The following TTN variants were observed in gnomAD, a reference collection of about 807,000 sequenced individuals.
TTN encodes connectin.
In TTN, 1,525 loss-of-function variants were observed where a neutral mutation model predicts 3,223.0. The ratio of observed to expected loss-of-function variants is 0.47; its 90% CI spans 0.45 to 0.49. The LOEUF is 0.49. Ranked by LOEUF, TTN falls within the 20% of genes least tolerant of loss-of-function variation. The pLI is 0.00. For missense variants in TTN, 40,786 were observed against 43,424.0 expected (o/e 0.94, Z 5.40); for synonymous variants, 14,094 against 15,161.0 (o/e 0.93, Z 5.17).
In TTN at chr2:178,764,368, T is replaced by C. The variant is rs1319238837; in HGVS notation, c.9989-66A>G. 13 of 1,612,672 alleles carry C rather than the reference T, an allele frequency of 8.1e-6. No individual in the cohort carries two copies. The African/African-American group carries it at 9.3e-5, about 12-fold the overall frequency. On this transcript the variant is annotated intron_variant, in intron 42 of 362. Transcript: ENST00000589042. ...CATAGAGACCTCACAGAAGGGAGCA[T>C]GTAGGTTTATCTTAATTTATTTCAC...
In TTN at chr2:178,579,247, T is replaced by C. The variant is rs1438797997; in HGVS notation, c.67783A>G (p.Thr22595Ala). The C allele has an allele frequency of 4.3e-6, 7 of 1,613,328 alleles. No individual in the cohort carries two copies. Among genetic ancestry groups the C allele is most frequent in the Non-Finnish European group, 5.1e-6 (6 of 1,179,552 alleles). The stretch of plus-strand genomic sequence containing the variant: ...GCAGATGACTCAACACTGACTCTAG[T>C]GTCAGTTGCTAGAGGATCTTCCCCT... ...KKGEDPLATD[T>A]RVSVESSAVN... The change falls in exon 320 of 363, where the codon ACT (threonine) becomes GCT (alanine). Residue 22595 changes from threonine to alanine, a missense_variant. By Grantham distance (58) the Thr-to-Ala change is moderately conservative (BLOSUM62 0). Coordinates refer to ENST00000589042, the MANE Select transcript of TTN (RefSeq NM_001267550.2).
At chr2:178,762,330 CAT>C (rs2089425494) in intron 43 of TTN, among the ~76,000 whole-genome samples, 3 of 152,182 alleles carry the variant, frequency 2.0e-5, no homozygotes, top group Admixed American at 2.0e-4. Context: ...TATTACCACA[CAT>C]AGGAAGTTAA....
rs1381964722 is a variant in TTN at position 178,571,488 on chromosome 2, T to C, written c.74644A>G (p.Arg24882Gly). ...RLKTGCEYQFRIAAENRYGKS... is the reference protein window; with the variant it reads ...RLKTGCEYQFGIAAENRYGKS... ...CCATATCTGTTTTCAGCTGCAATTCTAAACTGATATTCACATCCAGTCTTC... is the reference window on the plus strand; with the variant it reads ...CCATATCTGTTTTCAGCTGCAATTCCAAACTGATATTCACATCCAGTCTTC... The change falls in exon 326 of 363, where the codon AGA becomes GGA. Residue 24882 changes from arginine to glycine, a missense_variant. Arg to Gly is a moderately radical substitution (Grantham distance 125, BLOSUM62 -2). Coordinates refer to ENST00000589042, the MANE Select transcript of TTN (RefSeq NM_001267550.2). 5 of 1,613,386 alleles carry C rather than the reference T, an allele frequency of 3.1e-6. No homozygotes were observed. Among genetic ancestry groups the C allele is most frequent in the Non-Finnish European group, 4.2e-6 (5 of 1,179,584 alleles).
At chr2:178,745,633 T>C (rs2083354948) in intron 47 of TTN, 1 of 1,612,728 alleles carries the variant, frequency 6.2e-7, no homozygotes, top group African/African-American at 1.3e-5. Context: ...CTGATTTGTT[T>C]GTAGCTACAC....
In TTN at chr2:178,569,109, C is replaced by T; in HGVS notation, c.77023G>A (p.Val25675Ile). 6.2e-7 allele frequency: 1 copy of T among 1,613,498 alleles called. No homozygotes were observed. Among genetic ancestry groups the T allele is most frequent in the Non-Finnish European group, 8.5e-7 (1 of 1,179,590 alleles). Residue 25675 changes from valine to isoleucine, a missense_variant, in exon 326 of 363, where the codon GTC becomes ATC. Coordinates refer to ENST00000589042, the MANE Select transcript of TTN (RefSeq NM_001267550.2). ...LQEGCSYYFR[V>I]TAENEYGIGL... ...ATACCATACTCATTCTCAGCTGTGA[C>T]TCTAAAGTAATAACTGCAACCTTCT... is the stretch of plus-strand genomic sequence containing the variant.
In TTN at chr2:178,528,898, A is replaced by C; in HGVS notation, c.106853T>G (p.Ile35618Arg). 6.2e-7 allele frequency: 1 copy of C among 1,614,050 alleles called. No homozygotes were observed. The highest frequency in any genetic ancestry group is 8.5e-7 in the Non-Finnish European group (1 of 1,179,882). ...EIKAFSTQMS[I>R]NEGQRLVLKA... ...TAAAACCAGTCTTTGACCTTCGTTT[A>C]TGCTCATCTGAGTAGAAAATGCTTT... Residue 35618 changes from isoleucine to arginine, a missense_variant, in exon 360 of 363, where the codon ATA becomes AGA. Transcript: ENST00000589042.
chr2:178,671,810 C>T (rs898428081), intron 155 of TTN, among the ~76,000 whole-genome samples, 161 bp downstream of exon 155: 11 of 151,610 alleles, frequency 7.3e-5, no homozygotes, highest in African/African-American at 2.2e-4. Context: ...AATTATACTC[C>T]GTGTGGTTAA....
At position 178,795,202 on chromosome 2, in the gene TTN, C is replaced by T. The variant is rs144557211; in HGVS notation, c.965G>A (p.Arg322Lys). The T allele has an allele frequency of 6.2e-7, 1 of 1,614,136 alleles. No individual in the cohort carries two copies. The highest frequency in any genetic ancestry group is 8.5e-7 in the Non-Finnish European group (1 of 1,180,014). The change falls in exon 7 of 363, where the codon AGG (arginine) becomes AAG (lysine). Residue 322 changes from arginine (R) to lysine (K), a missense_variant. Physicochemically the swap from Arg to Lys is conservative, Grantham distance 26 (BLOSUM62 2). Transcript: ENST00000589042. Reference protein sequence around the residue: ...RISTSPIRSVRSPLLMRKTQA... With the variant: ...RISTSPIRSVKSPLLMRKTQA... Reference sequence around the variant, plus strand: ...AGTCTTACGCATGAGCAATGGAGACCTAACAGACCTGATGGGGGATGTGGA... The same window carrying T: ...AGTCTTACGCATGAGCAATGGAGACTTAACAGACCTGATGGGGGATGTGGA...
At chr2:178,637,285 T>G in intron 224 of TTN, 84 bp downstream of exon 224, 1 of 928,444 alleles carries the variant, frequency 1.1e-6, no homozygotes, top group Non-Finnish European at 1.5e-6. Context: ...GTTATGAATT[T>G]TGAAATTTTT....
Position 178,739,969 on chromosome 2 carries a change from T to C in TTN, c.13264A>G (p.Ile4422Val), listed in dbSNP as rs1202311923. Residue 4422 changes from isoleucine to valine, a missense_variant, in exon 48 of 363, where the codon ATT becomes GTT. Transcript: ENST00000589042. The part of the protein sequence containing the change: ...PGLFSEWLRN[I>V]EKVEVEAVNI... ...ACAGCCTCGACCTCCACCTTTTCAA[T>C]ATTTCTTAGCCACTCAGAGAAAAGA... The C allele has an allele frequency of 1.9e-6, 3 of 1,613,762 alleles. No homozygotes were observed. Among genetic ancestry groups the C allele is most frequent in the East Asian group, 2.2e-5 (1 of 44,874 alleles).
At chr2:178,582,853 T>C in intron 313 of TTN, 87 bp downstream of exon 313, 2 of 1,160,776 alleles carry the variant, frequency 1.7e-6, no homozygotes, top group Non-Finnish European at 2.3e-6. Flanking sequence ...AGAATATGAA[T>C]GTCTTCTCCC....
At chr2:178,749,652 G>A in intron 47 of TTN, 2 of 1,612,656 alleles carry the variant, frequency 1.2e-6, no homozygotes, top group South Asian at 1.1e-5. Flanking sequence ...TAAGTGACAG[G>A]CTCCACTGTT....
rs565675340 is a variant in TTN at position 178,528,797 on chromosome 2, G to A, written c.106954C>T (p.Arg35652Ter). 8 of 1,613,146 alleles carry A rather than the reference G, an allele frequency of 5.0e-6. No homozygotes were observed. Among genetic ancestry groups the A allele is most frequent in the South Asian group, 2.2e-5 (2 of 91,054 alleles). ...TGATCGCTGCCTGAGACACCATATC[G>A]GTACTCCTCAGAGTTGGTAAGCTCT... ...GVELTNSEEY[R>*]YGVSGSDQTL... Residue 35652 changes from arginine (R) to a stop codon, truncating the protein, a stop_gained, in exon 360 of 363, where the codon CGA becomes TGA. Transcript: ENST00000589042. LOFTEE classifies it high-confidence loss of function.
At chr2:178,746,585 A>G (rs372159964) in intron 47 of TTN, 8 of 1,613,080 alleles carry the variant, frequency 5.0e-6, no homozygotes, top group Non-Finnish European at 6.8e-6. Flanking sequence ...CTGGGGCATT[A>G]TGTCTACATT....
intron 279 of TTN, 57 bp downstream of exon 279, chr2:178,605,357 G>A: frequency 6.5e-7 from 1 of 1,531,574 alleles, no homozygotes; most frequent in Non-Finnish European, 8.8e-7. Context: ...TTCAACTTAT[G>A]GGATAAAGGC....
chr2:178,652,669 T>G lies in TTN; in HGVS notation c.39027A>C (p.Glu13009Asp). Residue 13009 changes from glutamate (E) to aspartate (D), a missense_variant, in exon 201 of 363, where the codon GAA becomes GAC. Transcript: ENST00000589042. Reference sequence around the variant, plus strand: ...GACAAATACCTTTAACAGGTGGGACTTCAGGCTTTTTAGGAGGAGCCGAGG... The same window carrying G: ...GACAAATACCTTTAACAGGTGGGACGTCAGGCTTTTTAGGAGGAGCCGAGG... ...KVPSAPPKKP[E>D]VPPVKVPEAP... is the part of the protein sequence containing the mutation. 6.2e-7 allele frequency: 1 copy of G among 1,613,500 alleles called. No homozygotes were observed. The highest frequency in any genetic ancestry group is 8.5e-7 in the Non-Finnish European group (1 of 1,179,578).
Position 178,695,378 on chromosome 2 carries a change from G to T in TTN, c.31240C>A (p.Pro10414Thr). Residue 10414 changes from proline to threonine, a missense_variant, in exon 115 of 363, where the codon CCT becomes ACT. Pro to Thr is a conservative substitution (Grantham distance 38). Transcript: ENST00000589042. Reference sequence around the variant, plus strand: ...GGAGGTGGTGGTGCTTTCTTTTCAGGTACTTTGGCTGGAACTTTTCTCTCA... The same window carrying T: ...GGAGGTGGTGGTGCTTTCTTTTCAGTTACTTTGGCTGGAACTTTTCTCTCA... ...SHERKVPAKV[P>T]EKKAPPPPKV... is the part of the protein sequence containing the mutation. 1 of 1,612,038 alleles carries T rather than the reference G, an allele frequency of 6.2e-7. No individual in the cohort carries two copies. The highest frequency in any genetic ancestry group is 2.2e-5 in the East Asian group (1 of 44,764).
chr2:178,644,106 G>T (rs764792974), intron 218 of TTN, among the ~76,000 whole-genome samples: 21 of 151,892 alleles, frequency 1.4e-4, no homozygotes, highest in Admixed American at 5.9e-4. Context: ...AAGTCCTAAG[G>T]AAATCCCTAC....
In TTN at chr2:178,551,166, C is replaced by T. The variant is rs763458501; in HGVS notation, c.91365G>A (p.Val30455=). 1 of 1,613,482 alleles carries T rather than the reference C, an allele frequency of 6.2e-7. No individual in the cohort carries two copies. The highest frequency in any genetic ancestry group is 8.5e-7 in the Non-Finnish European group (1 of 1,179,664). The change falls in exon 336 of 363, where the codon GTG becomes GTA. Residue 30455 remains valine, a synonymous_variant. Coordinates refer to ENST00000589042, the MANE Select transcript of TTN (RefSeq NM_001267550.2). ...CTTGCCGTTTCTCAATGCTATAGCC[C>T]ACAATCTTACTGCCTCCATCACGCA... ...PPLRDGGSKI[V]GYSIEKRQGN...
Sources: allele counts gnomAD v4.1 joint callset (sites outside exome capture counted in the v4.1 genomes callset), GRCh38; gene constraint gnomAD v4.1.1; transcripts MANE v1.5; gene names NCBI Gene and HGNC (gene_info 2026-07-23, HGNC 2026-07-21).